PLCB1: variants seen among roughly 807,000 people sequenced by gnomAD.
The protein encoded by PLCB1 is phospholipase C beta 1, also known as 1-phosphatidylinositol 4,5-bisphosphate phosphodiesterase beta-1.
A neutral mutation model predicts 161.8 loss-of-function variants in PLCB1; 46 were observed. That is an observed-to-expected ratio of 0.28 (90% CI 0.22 to 0.36). PLCB1 has a LOEUF of 0.36. PLCB1 is among the 10% of genes least tolerant of loss of function. PLCB1 has a pLI of 1.00. For missense variants in PLCB1, 1,016 were observed against 1,472.5 expected, an observed-to-expected ratio of 0.69 and a Z score of 5.07; for synonymous variants, 517 against 503.7, an observed-to-expected ratio of 1.03 and a Z score of -0.35.
intron 2 of PLCB1, among the ~76,000 whole-genome samples, chr20:8,200,410 G>A (rs1012212370): frequency 1.3e-5 from 2 of 151,980 alleles, no homozygotes; most frequent in Non-Finnish European, 2.9e-5. Context: ...TTTTGTTATA[G>A]AAAATGTGTA....
intron 14 of PLCB1, among the ~76,000 whole-genome samples, chr20:8,720,118 A>G (rs1159940382): frequency 1.3e-5 from 2 of 152,166 alleles, no homozygotes; most frequent in Admixed American, 6.5e-5. Context: ...CAGGCCTTTC[A>G]TTCACACCTA....
At chr20:8,335,091 G>A (rs1985523722) in intron 2 of PLCB1, among the ~76,000 whole-genome samples, 1 of 152,302 alleles carries the variant, frequency 6.6e-6, no homozygotes, top group African/African-American at 2.4e-5. Context: ...CCTGGGGAGT[G>A]TTTGCTTTGC....
At chr20:8,251,309 A>G (rs1212873476) in intron 2 of PLCB1, among the ~76,000 whole-genome samples, 2 of 151,948 alleles carry the variant, frequency 1.3e-5, no homozygotes, top group African/African-American at 4.8e-5. Flanking sequence ...TCAAGCAACA[A>G]CAGTGATGAT....
chr20:8,601,820 T>C (rs996822788), intron 3 of PLCB1, among the ~76,000 whole-genome samples: 5 of 152,340 alleles, frequency 3.3e-5, no homozygotes, highest in East Asian at 1.9e-4. Flanking sequence ...GAGCCAAGTT[T>C]GCAATGGAAA....
chr20:8,483,191 T>C (rs1982579811), intron 3 of PLCB1, among the ~76,000 whole-genome samples: 2 of 152,184 alleles, frequency 1.3e-5, no homozygotes, highest in Non-Finnish European at 2.9e-5. Context: ...CTAATTCTAT[T>C]GTAAGCACCT....
intron 3 of PLCB1, among the ~76,000 whole-genome samples, chr20:8,562,504 T>C (rs1003823330): frequency 1.3e-5 from 2 of 152,112 alleles, no homozygotes; most frequent in African/African-American, 4.8e-5. Context: ...CCTTGCTGCC[T>C]ATTTAAGAAG....
intron 3 of PLCB1, among the ~76,000 whole-genome samples, chr20:8,459,314 A>G (rs1158395429): frequency 2.0e-5 from 3 of 152,208 alleles, no homozygotes. Flanking sequence ...TTCTTTGGAC[A>G]TGGATTAATA....
intron 2 of PLCB1, among the ~76,000 whole-genome samples, chr20:8,274,846 A>G (rs1407267084): frequency 6.6e-6 from 1 of 152,174 alleles, no homozygotes; most frequent in African/African-American, 2.4e-5. Flanking sequence ...ATTGCTGTGC[A>G]GAAGTCTGAG....
chr20:8,740,939 C>G (rs1294051242), intron 22 of PLCB1, among the ~76,000 whole-genome samples: 1 of 152,236 alleles, frequency 6.6e-6, no homozygotes, highest in Non-Finnish European at 1.5e-5. Flanking sequence ...CCATCCAAAG[C>G]TGGCAGCCAT....
chr20:8,827,868 A>G (rs1372265968), intron 31 of PLCB1, among the ~76,000 whole-genome samples: 1 of 152,256 alleles, frequency 6.6e-6, no homozygotes, highest in African/African-American at 2.4e-5. Context: ...GAGCACAGCC[A>G]TGTGCATTCT....
intron 2 of PLCB1, among the ~76,000 whole-genome samples, chr20:8,227,793 A>G (rs1279445649): frequency 1.3e-5 from 2 of 152,200 alleles, no homozygotes; most frequent in African/African-American, 4.8e-5. Flanking sequence ...AATGCTCTCA[A>G]GAGTCCACAT....
At chr20:8,274,797 C>T (rs978645841) in intron 2 of PLCB1, among the ~76,000 whole-genome samples, 2 of 152,108 alleles carry the variant, frequency 1.3e-5, no homozygotes, top group Non-Finnish European at 2.9e-5. Flanking sequence ...TTTGGAGTCA[C>T]ATTTGTAGCC....
chr20:8,138,739 G>A (rs916221977), intron 1 of PLCB1, among the ~76,000 whole-genome samples: 2 of 152,056 alleles, frequency 1.3e-5, no homozygotes, highest in African/African-American at 2.4e-5. Context: ...GGATATAAAG[G>A]AACTAACTAA....
At chr20:8,724,027 A>C (rs1463089977) in intron 15 of PLCB1, among the ~76,000 whole-genome samples, 1 of 152,016 alleles carries the variant, frequency 6.6e-6, no homozygotes, top group East Asian at 1.9e-4. Flanking sequence ...CGATGAGAAC[A>C]CATGGACACA....
intron 2 of PLCB1, among the ~76,000 whole-genome samples, chr20:8,166,534 T>A (rs1024696411): frequency 2.6e-5 from 4 of 152,186 alleles, no homozygotes; most frequent in Admixed American, 6.5e-5. Context: ...TTTTACCATC[T>A]GGATACATTG....
chr20:8,553,865 G>A (rs907865664), intron 3 of PLCB1, among the ~76,000 whole-genome samples: 1 of 151,898 alleles, frequency 6.6e-6, no homozygotes. Flanking sequence ...AGCTGGGCAT[G>A]GTGGTACATG....
At chr20:8,547,657 C>A (rs1985606098) in intron 3 of PLCB1, among the ~76,000 whole-genome samples, 2 of 152,178 alleles carry the variant, frequency 1.3e-5, no homozygotes, top group Admixed American at 1.3e-4. Flanking sequence ...GTCAGTCCAC[C>A]TTGACATTCC....
In PLCB1 at chr20:8,800,683, T is replaced by C. The variant is rs996761255; in HGVS notation, c.3423+10422T>C. On this transcript the variant is annotated intron_variant, in intron 31 of 31. Coordinates refer to ENST00000338037, the MANE Select transcript of PLCB1 (RefSeq NM_015192.4). ...TATCTTTGGCTGAGAAAGATTTGTT[T>C]CCTTTTTCTTTGCACCTTTCGTATT... 2.6e-5 allele frequency among the ~76,000 whole-genome samples: 4 copies of C among 152,120 alleles called. No individual in the cohort carries two copies. The South Asian group carries it at 6.2e-4, about 24-fold the overall frequency.
At chr20:8,272,364 T>C (rs752062068) in intron 2 of PLCB1, among the ~76,000 whole-genome samples, 22 of 152,006 alleles carry the variant, frequency 1.4e-4, no homozygotes, top group Non-Finnish European at 2.6e-4. Flanking sequence ...AAAGGTATCA[T>C]AGGAAGGTAC....
Sources: allele counts gnomAD v4.1 joint callset (sites outside exome capture counted in the v4.1 genomes callset), GRCh38; gene constraint gnomAD v4.1.1; transcripts MANE v1.5; gene names NCBI Gene and HGNC (gene_info 2026-07-23, HGNC 2026-07-21).